ZNF618: variants seen among roughly 807,000 people sequenced by gnomAD.
ZNF618 encodes the protein zinc finger protein 618.
Under a neutral mutation model 103.0 loss-of-function variants are expected in ZNF618, and 34 were observed. The ratio of observed to expected loss-of-function variants is 0.33; its 90% CI spans 0.25 to 0.44. The LOEUF (loss-of-function observed/expected upper bound fraction) is 0.44. Ranked by LOEUF, ZNF618 falls within the 20% of genes least tolerant of loss-of-function variation. ZNF618 has a pLI of 1.00. For missense variants in ZNF618, 1,059 were observed against 1,295.4 expected, an observed-to-expected ratio of 0.82 and a Z score of 2.80; for synonymous variants, 551 against 542.2, an observed-to-expected ratio of 1.02 and a Z score of -0.23.
intron 13 of ZNF618, among the ~76,000 whole-genome samples, chr9:114,047,662 A>G (rs1458732939): frequency 2.0e-5 from 3 of 152,178 alleles, no homozygotes; most frequent in Non-Finnish European, 4.4e-5. Flanking sequence ...AGCTCTTGTT[A>G]GTCTTACCAG....
chr9:114,040,783 A>G (rs1463559317), intron 13 of ZNF618, among the ~76,000 whole-genome samples: 5 of 152,228 alleles, frequency 3.3e-5, no homozygotes, highest in South Asian at 2.1e-4. Flanking sequence ...TAGTGCCGCA[A>G]TAAACATACG....
chr9:113,968,241 G>A (rs780010572), intron 1 of ZNF618, among the ~76,000 whole-genome samples: 10 of 152,078 alleles, frequency 6.6e-5, no homozygotes, highest in East Asian at 3.8e-4. Context: ...TTTGATTAGC[G>A]GGGGCTCTGC....
chr9:113,929,431 G>A (rs1833383144), intron 1 of ZNF618, among the ~76,000 whole-genome samples: 1 of 152,154 alleles, frequency 6.6e-6, no homozygotes, highest in Non-Finnish European at 1.5e-5. Context: ...CTTTTTTCTT[G>A]TTGTAAGGAT....
intron 1 of ZNF618, among the ~76,000 whole-genome samples, chr9:113,878,041 TAAAA>T (rs60746824): frequency 0.017 from 2,597 of 152,052 alleles, 69 homozygotes; most frequent in East Asian, 0.13. Context: ...ATTTATTACT[TAAAA>T]AAAATTTAGA....
At chr9:113,903,738 A>G (rs1219161071) in intron 1 of ZNF618, among the ~76,000 whole-genome samples, 1 of 152,044 alleles carries the variant, frequency 6.6e-6, no homozygotes, top group African/African-American at 2.4e-5. Context: ...TCTTTCTTTC[A>G]GTACTTTAAA....
At chr9:114,043,461 T>G (rs951438760) in intron 13 of ZNF618, among the ~76,000 whole-genome samples, 4 of 152,222 alleles carry the variant, frequency 2.6e-5, no homozygotes, top group Admixed American at 2.6e-4. Flanking sequence ...TGGTTTTGAT[T>G]TACATTTTTC....
intron 2 of ZNF618, among the ~76,000 whole-genome samples, chr9:113,973,934 A>G (rs1838243999): frequency 6.6e-6 from 1 of 152,204 alleles, no homozygotes; most frequent in Non-Finnish European, 1.5e-5. Flanking sequence ...AGGATCTTGT[A>G]GACAAGGAGA....
chr9:114,047,872 C>G (rs2134644882), intron 13 of ZNF618, 21 bp from the exon 14 acceptor site: 1 of 1,577,306 alleles, frequency 6.3e-7, no homozygotes, highest in Non-Finnish European at 8.6e-7. Context: ...AGGTAACACA[C>G]TGTCCCCTTT....
intron 1 of ZNF618, among the ~76,000 whole-genome samples, chr9:113,955,933 T>G (rs1394263589): frequency 6.6e-6 from 1 of 152,064 alleles, no homozygotes; most frequent in Non-Finnish European, 1.5e-5. Flanking sequence ...GGCCTCAGTT[T>G]CTCTGTCTGT....
intron 1 of ZNF618, among the ~76,000 whole-genome samples, chr9:113,918,630 G>T (rs1588038605): frequency 6.6e-6 from 1 of 151,954 alleles, no homozygotes; most frequent in South Asian, 2.1e-4. Flanking sequence ...TATTTTATGG[G>T]TTATAATCAA....
At chr9:113,951,410 T>TAC (rs1280017974) in intron 1 of ZNF618, among the ~76,000 whole-genome samples, 82 of 122,148 alleles carry the variant, frequency 6.7e-4, no homozygotes, top group Middle Eastern at 8.6e-3. Context: ...TACGTATATA[T>TAC]ACACACATAT....
chr9:113,918,803 G>A (rs187463064), intron 1 of ZNF618, among the ~76,000 whole-genome samples: 2 of 152,042 alleles, frequency 1.3e-5, no homozygotes, highest in East Asian at 1.9e-4. Flanking sequence ...CTTGCACCCC[G>A]GCCCTGGAAT....
At chr9:113,880,823 T>C (rs1410045172) in intron 1 of ZNF618, among the ~76,000 whole-genome samples, 1 of 152,252 alleles carries the variant, frequency 6.6e-6, no homozygotes, top group African/African-American at 2.4e-5. Context: ...TGAAAGGTAC[T>C]GGACTAGCTG....
At chr9:113,999,432 C>CA (rs1840964095) in intron 4 of ZNF618, among the ~76,000 whole-genome samples, 1 of 152,170 alleles carries the variant, frequency 6.6e-6, no homozygotes. Flanking sequence ...CTCCTACCAG[C>CA]ACACAGTGCT....
chr9:113,990,597 T>G (rs1481935271), intron 3 of ZNF618, among the ~76,000 whole-genome samples: 1 of 152,186 alleles, frequency 6.6e-6, no homozygotes, highest in East Asian at 1.9e-4. Context: ...GACTAAAAGC[T>G]GTCATGTAGA....
chr9:113,979,731 G>A (rs543974881), intron 2 of ZNF618, among the ~76,000 whole-genome samples: 16 of 152,236 alleles, frequency 1.1e-4, no homozygotes, highest in Non-Finnish European at 1.8e-4. Context: ...CCATGTGCCA[G>A]CCACTGCTCT....
At chr9:113,965,912 G>T (rs921891555) in intron 1 of ZNF618, among the ~76,000 whole-genome samples, 6 of 152,162 alleles carry the variant, frequency 3.9e-5, no homozygotes, top group African/African-American at 1.4e-4. Context: ...GTTGGAGAAG[G>T]CCTTCGGGCT....
intron 2 of ZNF618, among the ~76,000 whole-genome samples, chr9:113,981,602 G>A (rs1466344610): frequency 1.3e-5 from 2 of 152,178 alleles, no homozygotes; most frequent in Admixed American, 6.5e-5. Flanking sequence ...CAGAAACAAA[G>A]CCGCCATACT....
intron 3 of ZNF618, among the ~76,000 whole-genome samples, chr9:113,990,779 G>C (rs997205900): frequency 7.2e-5 from 11 of 152,176 alleles, no homozygotes; most frequent in Non-Finnish European, 1.5e-4. Context: ...CCTCCCATGT[G>C]ACAGAATAGG....
Sources: allele counts gnomAD v4.1 joint callset (sites outside exome capture counted in the v4.1 genomes callset), GRCh38; gene constraint gnomAD v4.1.1; transcripts MANE v1.5; gene names NCBI Gene and HGNC (gene_info 2026-07-23, HGNC 2026-07-21).